GFM2: variants seen among roughly 807,000 people sequenced by gnomAD.
GFM2 encodes ribosome-releasing factor 2, mitochondrial.
GFM2 carries 72 observed loss-of-function variants against 95.4 expected under a neutral mutation model. That is an observed-to-expected ratio of 0.76 (90% CI 0.62 to 0.92). The LOEUF is 0.92. Among genes scored for constraint, GFM2 ranks in the 40% least tolerant of loss-of-function variants. The probability of loss-of-function intolerance (pLI) is 0.00; values close to 1 mark genes in which losing one functional copy is unlikely to be tolerated. For synonymous variants in GFM2, 276 were observed against 317.5 expected (o/e 0.87, Z 1.39); for missense variants, 825 against 924.1 (o/e 0.89, Z 1.39).
intron 18 of GFM2, 50 bp downstream of exon 18, chr5:74,725,891 T>G: frequency 6.5e-7 from 1 of 1,534,480 alleles, no homozygotes; most frequent in East Asian, 2.3e-5. Context: ...TAAGGAGTGA[T>G]TAAATGGTTG....
At position 74,736,520 on chromosome 5, in the gene GFM2, C is replaced by G. The variant is rs1199949670; in HGVS notation, c.1510+276G>C. On this transcript the variant is annotated intron_variant, in intron 15 of 20. Coordinates refer to ENST00000296805, the MANE Select transcript of GFM2 (RefSeq NM_032380.5). ...AATCTAATATACTAGAAGGGCAGTT[C>G]TAAGGCCAATTACTTAGAATCCCAT... 10 of 1,265,568 alleles carry G rather than the reference C, an allele frequency of 7.9e-6. No individual in the cohort carries two copies. The East Asian group carries it at 3.7e-4, about 47-fold the overall frequency. 78.4% of individuals were successfully genotyped at this position (1,265,568 alleles called of 1,614,324 possible). A position where few individuals can be genotyped will look rare whatever the true frequency, so the allele number is the denominator to read the frequency against.
At chr5:74,722,350 TA>T in intron 20 of GFM2, 28 bp downstream of exon 20, 2 of 1,565,464 alleles carry the variant, frequency 1.3e-6, no homozygotes, top group Non-Finnish European at 1.8e-6. Flanking sequence ...TTAAGAAGAA[TA>T]TGTACTTTTC....
chr5:74,722,624 T>C (rs1749959854), intron 19 of GFM2, 63 bp from the exon 20 acceptor site: 10 of 1,327,966 alleles, frequency 7.5e-6, no homozygotes, highest in Non-Finnish European at 1.0e-5. Flanking sequence ...AAATACAGCC[T>C]AGAGCTCATA....
intron 1 of GFM2, among the ~76,000 whole-genome samples, chr5:74,764,791 T>G (rs1215057239): frequency 1.2e-3 from 171 of 141,070 alleles, no homozygotes; most frequent in Middle Eastern, 3.5e-3. Flanking sequence ...TTTTTTTTTT[T>G]TTTTTTTTTT....
chr5:74,733,312 G>C, intron 15 of GFM2: 1 of 337,194 alleles, frequency 3.0e-6, no homozygotes. Flanking sequence ...GCAACATGGC[G>C]AAACCCCGTC....
intron 15 of GFM2, among the ~76,000 whole-genome samples, chr5:74,733,646 A>G (rs1180167549): frequency 6.6e-6 from 1 of 152,218 alleles, no homozygotes; most frequent in Non-Finnish European, 1.5e-5. Context: ...GGATCATATC[A>G]TGTAAGGTCT....
chr5:74,759,011 C>A, intron 4 of GFM2, 65 bp from the exon 5 acceptor site: 1 of 931,734 alleles, frequency 1.1e-6, no homozygotes, highest in Non-Finnish European at 1.7e-6. Flanking sequence ...TATATGCTAT[C>A]CAAATTTCAA....
At chr5:74,743,076 A>G (rs1743192225) in intron 10 of GFM2, among the ~76,000 whole-genome samples, 1 of 152,150 alleles carries the variant, frequency 6.6e-6, no homozygotes, top group Admixed American at 6.5e-5. Context: ...CATTAATTAA[A>G]CAACACTCTA....
intron 7 of GFM2, 75 bp downstream of exon 7, chr5:74,750,504 A>C: frequency 1.0e-6 from 1 of 971,932 alleles, no homozygotes. Flanking sequence ...GGTTACAGTT[A>C]ACTAAATTTG....
At chr5:74,722,627 A>G (rs1579961761) in intron 19 of GFM2, 66 bp from the exon 20 acceptor site, 2 of 1,312,030 alleles carry the variant, frequency 1.5e-6, no homozygotes, top group East Asian at 4.9e-5. Context: ...TACAGCCTAG[A>G]GCTCATACAA....
At chr5:74,757,014 C>T (rs1010787479) in intron 5 of GFM2, among the ~76,000 whole-genome samples, 1 of 151,880 alleles carries the variant, frequency 6.6e-6, no homozygotes, top group African/African-American at 2.4e-5. Context: ...AGAAACCACC[C>T]CTAAAGAACT....
chr5:74,754,740 G>A (rs1743893762), intron 5 of GFM2, among the ~76,000 whole-genome samples: 1 of 152,138 alleles, frequency 6.6e-6, no homozygotes, highest in Admixed American at 6.6e-5. Flanking sequence ...TAAGAAATGA[G>A]ATAGCAACAC....
chr5:74,759,280 AATT>A, intron 4 of GFM2, 86 bp downstream of exon 4: 1 of 769,442 alleles, frequency 1.3e-6, no homozygotes, highest in South Asian at 1.6e-5. Context: ...AAGTCATAGA[AATT>A]ACAGCATTCA....
chr5:74,729,994 G>A (rs1032654369), intron 17 of GFM2, among the ~76,000 whole-genome samples: 2 of 152,028 alleles, frequency 1.3e-5, no homozygotes, highest in African/African-American at 2.4e-5. Context: ...ACAAGCCATC[G>A]ACTTCAGTGG....
In GFM2 at chr5:74,741,953, T is replaced by C. The variant is rs751883332; in HGVS notation, c.850-344A>G. On this transcript the variant is annotated intron_variant, in intron 10 of 20. Coordinates refer to ENST00000296805, the MANE Select transcript of GFM2 (RefSeq NM_032380.5). Reference sequence around the variant, plus strand: ...AATGGATTGGCCTTTCTTAGATAAATCTGGAGGTTTTAGTTTATAAAAAAG... The same window carrying C: ...AATGGATTGGCCTTTCTTAGATAAACCTGGAGGTTTTAGTTTATAAAAAAG... 2.0e-4 allele frequency: 32 copies of C among 162,160 alleles called. No individual in the cohort carries two copies. The Middle Eastern group carries it at 0.018, about 89-fold the overall frequency. The allele number at this position is 162,160 out of a possible 1,614,324, so 10.0% of individuals were successfully genotyped here. A position where few individuals can be genotyped will look rare whatever the true frequency, so the allele number is the denominator to read the frequency against.
Sources: allele counts gnomAD v4.1 joint callset (sites outside exome capture counted in the v4.1 genomes callset), GRCh38; gene constraint gnomAD v4.1.1; transcripts MANE v1.5; gene names NCBI Gene and HGNC (gene_info 2026-07-23, HGNC 2026-07-21).